Variants in HPS5 observed in about 807,000 individuals in gnomAD.
The protein encoded by HPS5 is BLOC-2 complex member HPS5.
Under a neutral mutation model 128.0 loss-of-function variants are expected in HPS5, and 83 were observed. That is an observed-to-expected ratio of 0.65 (90% CI 0.54 to 0.78). The LOEUF is 0.78. Ranked by LOEUF, HPS5 falls within the 30% of genes least tolerant of loss-of-function variation. The pLI is 0.00. For synonymous variants in HPS5, 475 were observed against 470.2 expected (o/e 1.01, Z -0.13); for missense variants, 1,281 against 1,326.2 (o/e 0.97, Z 0.53).
chr11:18,306,931 G>A (rs1375320476), intron 6 of HPS5, among the ~76,000 whole-genome samples: 3 of 152,174 alleles, frequency 2.0e-5, no homozygotes, highest in African/African-American at 7.2e-5. Context: ...TGATAATGAT[G>A]AGGGAGATGT....
At chr11:18,303,241 C>T (rs748857382) in intron 8 of HPS5, among the ~76,000 whole-genome samples, 2 of 147,022 alleles carry the variant, frequency 1.4e-5, no homozygotes, top group African/African-American at 2.5e-5. Context: ...AATTCACTAT[C>T]ATTTGAGGGT....
In HPS5 at chr11:18,310,798, T is replaced by C. The variant is rs2134473614; in HGVS notation, c.420A>G (p.Val140=). 1 of 1,614,160 alleles carries C rather than the reference T, an allele frequency of 6.2e-7. No individual in the cohort carries two copies. The highest frequency in any genetic ancestry group is 2.2e-5 in the East Asian group (1 of 44,880). ...CAGAAACCTTCCCAGCATGATCACC[T>C]ACAAAAACTCTAAGAATAGCTGTAT... ...CWDTAILRVF[V]GDHAGKVSAI... is the part of the protein sequence containing the mutation. Residue 140 remains valine (V), a synonymous_variant, in exon 5 of 23, where the codon GTA becomes GTG. Coordinates refer to ENST00000349215, the MANE Select transcript of HPS5 (RefSeq NM_181507.2).
chr11:18,311,252 C>A, intron 4 of HPS5, 135 bp downstream of exon 4: 1 of 698,902 alleles, frequency 1.4e-6, no homozygotes, highest in Non-Finnish European at 2.5e-6. Context: ...GAGAGATTTC[C>A]TGAGACACAG....
chr11:18,311,263 G>A (rs1862950165), intron 4 of HPS5, 124 bp downstream of exon 4: 4 of 728,462 alleles, frequency 5.5e-6, no homozygotes, highest in African/African-American at 3.6e-5. Flanking sequence ...TGAGACACAG[G>A]AGTTTCACTG....
intron 16 of HPS5, among the ~76,000 whole-genome samples, chr11:18,290,090 T>TA (rs1207158855): frequency 1.3e-5 from 2 of 152,212 alleles, no homozygotes; most frequent in Non-Finnish European, 2.9e-5. Context: ...GGTAAGCCAC[T>TA]ACCAGGCCAG....
Position 18,282,110 on chromosome 11 carries a change from G to A in HPS5, c.3169C>T (p.Pro1057Ser). The A allele has an allele frequency of 6.2e-7, 1 of 1,614,132 alleles. No individual in the cohort carries two copies. Among genetic ancestry groups the A allele is most frequent in the Non-Finnish European group, 8.5e-7 (1 of 1,180,020 alleles). The change falls in exon 22 of 23, where the codon CCT (proline) becomes TCT (serine). Residue 1057 changes from proline to serine, a missense_variant. Coordinates refer to ENST00000349215, the MANE Select transcript of HPS5 (RefSeq NM_181507.2). ...ESLNGSLSDG[P>S]SPINVENVAL... ...ACATTCTCCACATTGATGGGGGAAG[G>A]CCCATCACTGAGGCTCCCATTTAGT...
intron 22 of HPS5, chr11:18,280,696 T>C (rs754259523): frequency 1.8e-5 from 11 of 610,118 alleles, no homozygotes; most frequent in South Asian, 3.9e-5. Context: ...CAACGGAATA[T>C]TATTCAGCCT....
At chr11:18,314,913 C>T (rs187952553) in intron 2 of HPS5, among the ~76,000 whole-genome samples, 12 of 152,190 alleles carry the variant, frequency 7.9e-5, no homozygotes, top group African/African-American at 2.4e-4. Flanking sequence ...ATTTCCCAAG[C>T]GGTCTCAAAC....
intron 8 of HPS5, among the ~76,000 whole-genome samples, 170 bp downstream of exon 8, chr11:18,305,252 T>C (rs1443595748): frequency 1.3e-5 from 2 of 152,250 alleles, no homozygotes; most frequent in African/African-American, 4.8e-5. Flanking sequence ...TTCTAGGATC[T>C]TTCCATTCCT....
Position 18,295,027 on chromosome 11 carries a change from C to T in HPS5, c.1777G>A (p.Asp593Asn). The change falls in exon 14 of 23, where the codon GAC becomes AAC. Residue 593 changes from aspartate to asparagine, a missense_variant. Asp to Asn is a conservative substitution (Grantham distance 23). Coordinates refer to ENST00000349215, the MANE Select transcript of HPS5 (RefSeq NM_181507.2). ...VSSDTCPKEE[D>N]TEEEKEVTSP... is the part of the protein sequence containing the mutation. ...TTATGTGTAAGGGCTTACTCAGTGT[C>T]TTCCTCCTTTGGGCAGGTATCTGAA... is the stretch of plus-strand genomic sequence containing the variant. 1 of 1,614,142 alleles carries T rather than the reference C, an allele frequency of 6.2e-7. No individual in the cohort carries two copies. The highest frequency in any genetic ancestry group is 1.7e-5 in the Admixed American group (1 of 60,026).
intron 7 of HPS5, 57 bp downstream of exon 7, chr11:18,306,078 C>T (rs1862325438): frequency 8.2e-7 from 1 of 1,219,266 alleles, no homozygotes; most frequent in South Asian, 1.2e-5. Flanking sequence ...GAGATTTTCA[C>T]CGAACCTCTA....
Position 18,279,683 on chromosome 11 carries a change from G to C in HPS5, c.*199C>G. The C allele has an allele frequency of 1.6e-6, 1 of 611,494 alleles. No homozygotes were observed. The highest frequency in any genetic ancestry group is 2.9e-6 in the Non-Finnish European group (1 of 341,584). The allele number at this position is 611,494 out of a possible 1,614,324, so 37.9% of individuals were successfully genotyped here. A position where few individuals can be genotyped will look rare whatever the true frequency, so the allele number is the denominator to read the frequency against. The stretch of plus-strand genomic sequence containing the variant: ...GTTAAGAAATGCTGAGTACAACTTT[G>C]GTTAAGAAACACTGAGGTCATGGAT... On this transcript the variant is annotated 3_prime_UTR_variant, in exon 23 of 23. Transcript: ENST00000349215.
In HPS5 at chr11:18,296,135, A is replaced by C. The variant is rs867272692; in HGVS notation, c.1511-13T>G. 5.6e-6 allele frequency: 9 copies of C among 1,612,722 alleles called. No homozygotes were observed. The highest frequency in any genetic ancestry group is 1.3e-5 in the African/African-American group (1 of 75,036). On this transcript the variant is annotated splice_polypyrimidine_tract_variant and intron_variant, in intron 12 of 22. Transcript: ENST00000349215. ...TGAGAAACATTGTCTAATGAATGGA[A>C]TCAGGAAAAAAAGAAACAAAATCTA...
intron 8 of HPS5, among the ~76,000 whole-genome samples, chr11:18,301,203 C>T (rs1186722470): frequency 1.3e-5 from 2 of 151,970 alleles, no homozygotes; most frequent in Non-Finnish European, 2.9e-5. Context: ...CGCCTGTAGT[C>T]CCAGCACTTT....
At chr11:18,288,874 G>A (rs1377080639) in intron 16 of HPS5, among the ~76,000 whole-genome samples, 3 of 151,854 alleles carry the variant, frequency 2.0e-5, no homozygotes, top group Non-Finnish European at 4.4e-5. Flanking sequence ...ACCTGGGTGT[G>A]TGCATGTGTG....
chr11:18,313,728 A>G (rs1465994369), intron 2 of HPS5, among the ~76,000 whole-genome samples: 1 of 151,938 alleles, frequency 6.6e-6, no homozygotes, highest in Non-Finnish European at 1.5e-5. Context: ...ATCCTGGCCA[A>G]TAAAGTGAAA....
Position 18,282,230 on chromosome 11 carries a change from C to T in HPS5, c.3059-10G>A, listed in dbSNP as rs764418389. On this transcript the variant is annotated splice_polypyrimidine_tract_variant and intron_variant, in intron 21 of 22. Coordinates refer to ENST00000349215, the MANE Select transcript of HPS5 (RefSeq NM_181507.2). ...GTCTCTGGGATCCAACCTAAACACACACAGGGAAGTGTCAGTTTGACCACT... is the reference window on the plus strand; with the variant it reads ...GTCTCTGGGATCCAACCTAAACACATACAGGGAAGTGTCAGTTTGACCACT... The T allele has an allele frequency of 2.3e-5, 37 of 1,613,748 alleles. No homozygotes were observed. The highest frequency in any genetic ancestry group is 3.1e-5 in the Non-Finnish European group (36 of 1,180,022).
At chr11:18,318,013 T>C (rs968614254) in intron 1 of HPS5, 106 bp from the exon 2 acceptor site, 2 of 772,002 alleles carry the variant, frequency 2.6e-6, no homozygotes, top group Non-Finnish European at 4.2e-6. Context: ...GTCCCCACTA[T>C]ACAGGGACTT....
At position 18,278,955 on chromosome 11, in the gene HPS5, TAGGAA is replaced by T. The variant is rs1858548498; in HGVS notation, c.*922_*926del. On this transcript the variant is annotated 3_prime_UTR_variant, in exon 23 of 23. Transcript: ENST00000349215. ...CATGATTCTTGTGGGCTACTCTGTT[TAGGAA>T]AGATTACAGATAACACATTTCTAAG... is the stretch of plus-strand genomic sequence containing the variant. 1 of 152,346 alleles carries T rather than the reference TAGGAA, an allele frequency of 6.6e-6. No individual in the cohort carries two copies. Among genetic ancestry groups the T allele is most frequent in the Admixed American group, 6.5e-5 (1 of 15,284 alleles). The allele number at this position is 152,346 out of a possible 1,614,324, so 9.4% of individuals were successfully genotyped here.
Sources: gnomAD v4.1 joint callset for allele counts (sites outside exome capture counted in the v4.1 genomes callset) on GRCh38, gnomAD v4.1.1 for gene constraint, MANE v1.5 for transcripts, NCBI Gene and HGNC (gene_info 2026-07-23, HGNC 2026-07-21) for gene names.